Variants in ZFAND3 observed in about 807,000 individuals in gnomAD.
ZFAND3 encodes the protein AN1-type zinc finger protein 3.
In ZFAND3, 10 loss-of-function variants were observed where a neutral mutation model predicts 29.6. The observed-to-expected ratio is 0.34, with a 90% CI of 0.21 to 0.57. The LOEUF (loss-of-function observed/expected upper bound fraction) is 0.57. Among genes scored for constraint, ZFAND3 ranks in the 20% least tolerant of loss-of-function variants. The probability of loss-of-function intolerance (pLI) is 0.86; values close to 1 mark genes in which losing one functional copy is unlikely to be tolerated. For synonymous variants in ZFAND3, 128 were observed against 112.6 expected (o/e 1.14, Z -0.87); for missense variants, 230 against 304.5 (o/e 0.76, Z 1.82).
intron 1 of ZFAND3, among the ~76,000 whole-genome samples, chr6:37,923,833 T>C (rs944896406): frequency 1.3e-5 from 2 of 152,214 alleles, no homozygotes; most frequent in Non-Finnish European, 2.9e-5. Flanking sequence ...AATGTGTATA[T>C]ATGGTATGAA....
chr6:37,979,435 A>AT (rs1762544504), intron 2 of ZFAND3, among the ~76,000 whole-genome samples: 1 of 152,200 alleles, frequency 6.6e-6, no homozygotes, highest in South Asian at 2.1e-4. Context: ...TTGTTCGAAG[A>AT]TGCAGTTAAG....
chr6:38,055,664 C>T (rs1203953993), intron 2 of ZFAND3, among the ~76,000 whole-genome samples: 1 of 152,116 alleles, frequency 6.6e-6, no homozygotes, highest in Non-Finnish European at 1.5e-5. Context: ...TATTAGTGAG[C>T]CCAAGTAGTC....
intron 1 of ZFAND3, among the ~76,000 whole-genome samples, chr6:37,912,030 CTGTGTG>C (rs59017250): frequency 0.072 from 10,079 of 139,662 alleles, 333 homozygotes; most frequent in Middle Eastern, 0.082. Context: ...AGTCTTTTAT[CTGTGTG>C]TGTGTGTGTG....
chr6:37,894,675 A>G (rs1354615125), intron 1 of ZFAND3, among the ~76,000 whole-genome samples: 1 of 152,092 alleles, frequency 6.6e-6, no homozygotes, highest in African/African-American at 2.4e-5. Context: ...CCCGGCTTTA[A>G]TATTTCTTGT....
At chr6:38,087,967 T>C (rs1252365679) in intron 4 of ZFAND3, among the ~76,000 whole-genome samples, 1 of 152,262 alleles carries the variant, frequency 6.6e-6, no homozygotes, top group Non-Finnish European at 1.5e-5. Context: ...TGGAAGTTTA[T>C]ATGATATTTT....
rs34965436 is a variant in ZFAND3 at position 38,003,502 on chromosome 6, C to CT, written c.113-58078dup. ...TTTAGTATTAAAAACCATCCATAATCTTTTTTTTTTTTTGAGACGGTGCCT... is the reference window on the plus strand; with the variant it reads ...TTTAGTATTAAAAACCATCCATAATCTTTTTTTTTTTTTTGAGACGGTGCCT... On this transcript the variant is annotated intron_variant, in intron 2 of 5. Coordinates refer to ENST00000287218, the MANE Select transcript of ZFAND3 (RefSeq NM_021943.3). Among the ~76,000 whole-genome samples, 2,534 of 147,008 alleles carry CT rather than the reference C, an allele frequency of 0.017. 277 individuals are homozygous for CT. The East Asian group carries it at 0.3, about 17-fold the overall frequency.
intron 4 of ZFAND3, among the ~76,000 whole-genome samples, chr6:38,094,756 C>T (rs1415488441): frequency 6.6e-6 from 1 of 152,190 alleles, no homozygotes; most frequent in African/African-American, 2.4e-5. Context: ...GTCGGCTACA[C>T]TTGTAATTTT....
intron 2 of ZFAND3, among the ~76,000 whole-genome samples, chr6:38,025,135 T>C (rs1763423789): frequency 6.6e-6 from 1 of 152,208 alleles, no homozygotes; most frequent in Admixed American, 6.5e-5. Context: ...TACATTCCTT[T>C]GTTTTAGAAA....
rs201064136 is a variant in ZFAND3, at chr6:38,069,125, G to GT, written c.295+7355dup. Among the ~76,000 whole-genome samples, 1,360 of 152,230 alleles carry GT rather than the reference G, an allele frequency of 8.9e-3. 5 individuals carry two copies. The highest frequency in any genetic ancestry group is 0.012 in the Non-Finnish European group (846 of 68,006). On this transcript the variant is annotated intron_variant, in intron 3 of 5. Transcript: ENST00000287218. ...AAGCGGCTAAACTTCTGATTTGTTTGTTTTTACCAATTAAATTTCTAATAA... is the reference window on the plus strand; with the variant it reads ...AAGCGGCTAAACTTCTGATTTGTTTGTTTTTTACCAATTAAATTTCTAATAA...
At chr6:37,859,312 A>G (rs906268213) in intron 1 of ZFAND3, among the ~76,000 whole-genome samples, 5 of 152,232 alleles carry the variant, frequency 3.3e-5, no homozygotes, top group Non-Finnish European at 7.3e-5. Flanking sequence ...TATTAAAGAC[A>G]GATGATCCTG....
At chr6:37,867,832 A>G (rs571662113) in intron 1 of ZFAND3, among the ~76,000 whole-genome samples, 3 of 152,358 alleles carry the variant, frequency 2.0e-5, no homozygotes, top group Admixed American at 1.3e-4. Flanking sequence ...ATAGTGTACT[A>G]TAGTGAAAAA....
chr6:37,982,669 G>A (rs1762599949), intron 2 of ZFAND3, among the ~76,000 whole-genome samples: 1 of 152,178 alleles, frequency 6.6e-6, no homozygotes, highest in Non-Finnish European at 1.5e-5. Flanking sequence ...CATAGTGCTT[G>A]ATAATGACAA....
At chr6:37,827,980 G>A (rs1763790098) in intron 1 of ZFAND3, among the ~76,000 whole-genome samples, 1 of 152,224 alleles carries the variant, frequency 6.6e-6, no homozygotes, top group African/African-American at 2.4e-5. Context: ...GCAGAGTGAG[G>A]TTGGTGATGT....
rs145640532 is a variant in ZFAND3, at chr6:37,923,113, A to G, written c.72-6846A>G. Among the ~76,000 whole-genome samples, 629 of 152,272 alleles carry G rather than the reference A, an allele frequency of 4.1e-3. 4 individuals carry two copies. The highest frequency in any genetic ancestry group is 0.015 in the African/African-American group (606 of 41,560). ...AATATTTTCATTATATCCTTATTCT[A>G]TAAGTTTTCTTTATTGATTGATTGA... On this transcript the variant is annotated intron_variant, in intron 1 of 5. Transcript: ENST00000287218.
intron 1 of ZFAND3, among the ~76,000 whole-genome samples, chr6:37,891,278 C>T (rs1201528146): frequency 1.3e-5 from 2 of 152,068 alleles, no homozygotes; most frequent in African/African-American, 4.8e-5. Flanking sequence ...AGCATAATTC[C>T]ATTATATGGT....
intron 1 of ZFAND3, among the ~76,000 whole-genome samples, chr6:37,858,919 G>T (rs1481832316): frequency 6.6e-6 from 1 of 152,186 alleles, no homozygotes; most frequent in African/African-American, 2.4e-5. Context: ...TATACTAGAA[G>T]AGCTAGAAGA....
intron 5 of ZFAND3, among the ~76,000 whole-genome samples, chr6:38,145,210 G>A (rs1766078603): frequency 6.6e-6 from 1 of 152,202 alleles, no homozygotes; most frequent in Admixed American, 6.5e-5. Context: ...GGAACCAGCG[G>A]ACGCTACTTG....
At chr6:37,953,140 A>T (rs1762026857) in intron 2 of ZFAND3, among the ~76,000 whole-genome samples, 1 of 151,688 alleles carries the variant, frequency 6.6e-6, no homozygotes, top group Admixed American at 6.6e-5. Flanking sequence ...TATTGGTATA[A>T]TGAAGTTTAA....
At chr6:37,849,897 T>C (rs191565231) in intron 1 of ZFAND3, among the ~76,000 whole-genome samples, 36 of 152,334 alleles carry the variant, frequency 2.4e-4, no homozygotes, top group Admixed American at 8.5e-4. Context: ...TCTCCCATCC[T>C]TTCCTTTAGT....
Sources: gnomAD v4.1 joint callset for allele counts (sites outside exome capture counted in the v4.1 genomes callset) on GRCh38, gnomAD v4.1.1 for gene constraint, MANE v1.5 for transcripts, NCBI Gene and HGNC (gene_info 2026-07-23, HGNC 2026-07-21) for gene names.